CHM: variants seen among roughly 807,000 people sequenced by gnomAD.
CHM encodes CHM Rab escort protein.
A neutral mutation model predicts 49.0 loss-of-function variants in CHM; 10 were observed. That is an observed-to-expected ratio of 0.20 (90% confidence interval 0.13 to 0.35). CHM has a LOEUF of 0.35. Ranked by LOEUF, CHM falls within the 10% of genes least tolerant of loss-of-function variation. The probability of loss-of-function intolerance (pLI) is 1.00; values close to 1 mark genes in which losing one functional copy is unlikely to be tolerated. For missense variants in CHM, 455 were observed against 478.4 expected (o/e 0.95, Z 0.46); for synonymous variants, 184 against 167.5 (o/e 1.10, Z -0.76).
chrX:86,026,097 A>ATTTTTTTTTTTTTTTTTTTT (rs1398285252), intron 2 of CHM, among the ~76,000 whole-genome samples: 2 of 30,483 alleles, frequency 6.6e-5, no homozygotes, highest in South Asian at 2.3e-3. Context: ...AAGGTAGCAG[A>ATTTTTTTTTTTTTTTTTTTT]TTTTCTTTTT....
chrX:85,986,987 A>G (rs1321460078), intron 2 of CHM, among the ~76,000 whole-genome samples: 2 of 112,038 alleles, frequency 1.8e-5, no homozygotes, highest in African/African-American at 6.5e-5. Flanking sequence ...CAAATCTGAC[A>G]AAGTGGAATA....
In CHM at chrX:85,876,309, GT is replaced by G. The variant is rs1275478497; in HGVS notation, c.1609+2655del. Among the ~76,000 whole-genome samples the G allele has an allele frequency of 2.7e-5, 3 of 111,558 alleles. No homozygotes were observed. The East Asian group carries it at 8.5e-4, about 31-fold the overall frequency. ...CAAAAAGAAAATATGCCCAAATAAT[GT>G]TATTCCTTTGGTACATGTTTTAAAC... On this transcript the variant is annotated intron_variant, in intron 13 of 14. Coordinates refer to ENST00000357749, the MANE Select transcript of CHM (RefSeq NM_000390.4).
chrX:85,996,048 C>T (rs778359106), intron 2 of CHM, among the ~76,000 whole-genome samples: 15 of 111,752 alleles, frequency 1.3e-4, no homozygotes, highest in Non-Finnish European at 2.8e-4. Flanking sequence ...AATCTAAAAC[C>T]TTTAAAATAC....
chrX:85,923,467 T>C (rs1410360396), intron 8 of CHM, among the ~76,000 whole-genome samples: 2 of 112,126 alleles, frequency 1.8e-5, no homozygotes, highest in African/African-American at 6.5e-5. Flanking sequence ...TTCAAGCAAC[T>C]TGGGGACCTG....
At chrX:85,964,667 T>C (rs929979593) in intron 4 of CHM, among the ~76,000 whole-genome samples, 4 of 112,103 alleles carry the variant, frequency 3.6e-5, no homozygotes, top group African/African-American at 6.5e-5. Context: ...CTTGAAAAGA[T>C]TAAGTTGGCC....
chrX:85,887,300 T>C (rs1925145262), intron 12 of CHM, among the ~76,000 whole-genome samples: 1 of 111,044 alleles, frequency 9.0e-6, no homozygotes, highest in Non-Finnish European at 1.9e-5. Flanking sequence ...TGAGATCTGA[T>C]GGTTTTACAA....
At chrX:85,960,492 C>G (rs192947028) in intron 5 of CHM, among the ~76,000 whole-genome samples, 84 of 110,119 alleles carry the variant, frequency 7.6e-4, no homozygotes, top group Admixed American at 1.3e-3. Context: ...GGCTCAATCT[C>G]AGCTCACTGC....
intron 8 of CHM, among the ~76,000 whole-genome samples, chrX:85,951,256 A>G (rs1333851287): frequency 3.6e-5 from 4 of 111,704 alleles, no homozygotes; most frequent in African/African-American, 1.3e-4. Context: ...AAAACAAAGG[A>G]GATAATAAAG....
At chrX:85,986,410 C>A (rs534750686) in intron 2 of CHM, among the ~76,000 whole-genome samples, 1 of 111,740 alleles carries the variant, frequency 8.9e-6, no homozygotes, top group African/African-American at 3.3e-5. Context: ...GGGAGAGGAA[C>A]CCACACTTTC....
At chrX:85,994,502 C>T (rs1932351917) in intron 2 of CHM, among the ~76,000 whole-genome samples, 1 of 111,882 alleles carries the variant, frequency 8.9e-6, no homozygotes, top group Non-Finnish European at 1.9e-5. Context: ...ACTGCTGATT[C>T]CCTCTTCCTT....
chrX:85,983,839 C>T (rs1931759948), intron 2 of CHM, among the ~76,000 whole-genome samples: 1 of 111,513 alleles, frequency 9.0e-6, no homozygotes, highest in Non-Finnish European at 1.9e-5. Context: ...TGAAAAACTT[C>T]CCTAAAAAAT....
chrX:85,998,983 G>GA (rs1381478539), intron 2 of CHM, among the ~76,000 whole-genome samples: 4 of 110,268 alleles, frequency 3.6e-5, no homozygotes, highest in South Asian at 3.8e-4. Context: ...TATAATTACA[G>GA]AAAAAAAGGT....
intron 12 of CHM, among the ~76,000 whole-genome samples, chrX:85,879,766 A>C (rs1313473126): frequency 9.0e-6 from 1 of 110,860 alleles, no homozygotes; most frequent in Non-Finnish European, 1.9e-5. Flanking sequence ...TAAAGGAGTA[A>C]AGGGACCTCC....
At position 85,911,304 on chromosome X, in the gene CHM, G is replaced by A. The variant is rs762479859; in HGVS notation, c.1201C>T (p.Arg401Cys). The change falls in exon 9 of 15, where the codon CGC becomes TGC. Residue 401 changes from arginine (R) to cysteine (C), a missense_variant. Transcript: ENST00000357749. ...CAVFGGIYCL[R>C]HSVQCLVVDK... is the part of the protein sequence containing the mutation. Reference sequence around the variant, plus strand: ...ACTACAAGGCACTGTACTGAATGGCGAAGACAATAAATTCCACCAAACACA... The same window carrying A: ...ACTACAAGGCACTGTACTGAATGGCAAAGACAATAAATTCCACCAAACACA... 1.0e-4 allele frequency: 104 copies of A among 1,043,159 alleles called. No individual in the cohort carries two copies. The highest frequency in any genetic ancestry group is 1.6e-4 in the African/African-American group (7 of 44,511). 86.0% of individuals were successfully genotyped at this position (1,043,159 alleles called of 1,213,427 possible). A position where few individuals can be genotyped will look rare whatever the true frequency, so the allele number is the denominator to read the frequency against.
At chrX:86,027,161 C>T (rs1933861882) in intron 2 of CHM, 1 of 255,817 alleles carries the variant, frequency 3.9e-6, no homozygotes, top group Admixed American at 5.7e-5. Flanking sequence ...TATACCCACA[C>T]ACATATGTAG....
At chrX:86,047,139 T>C (rs1934681099) in intron 1 of CHM, 1 of 321,660 alleles carries the variant, frequency 3.1e-6, no homozygotes, top group Non-Finnish European at 5.6e-6. Flanking sequence ...GGAATCATAA[T>C]GTCTTGCCAA....
At chrX:85,976,001 A>C (rs1931234890) in intron 4 of CHM, among the ~76,000 whole-genome samples, 1 of 112,488 alleles carries the variant, frequency 8.9e-6, no homozygotes, top group South Asian at 3.7e-4. Context: ...AAGAGGAAAT[A>C]AGAGAATTTT....
chrX:85,894,377 C>A, intron 11 of CHM, 93 bp from the exon 12 acceptor site: 1 of 616,282 alleles, frequency 1.6e-6, no homozygotes, highest in East Asian at 3.4e-5. Context: ...AACTGAGTAT[C>A]TTTTTCAAAC....
chrX:86,018,000 AAACAC>A (rs768510776), intron 2 of CHM, among the ~76,000 whole-genome samples: 127 of 112,506 alleles, frequency 1.1e-3, no homozygotes, highest in African/African-American at 4.0e-3. Context: ...CAATTAGAGA[AAACAC>A]AACAAGCCAC....
Sources: gnomAD v4.1 joint callset for allele counts (sites outside exome capture counted in the v4.1 genomes callset) on GRCh38, gnomAD v4.1.1 for gene constraint, MANE v1.5 for transcripts, NCBI Gene and HGNC (gene_info 2026-07-23, HGNC 2026-07-21) for gene names.